C4orf54: variants seen among roughly 807,000 people sequenced by gnomAD.
C4orf54 encodes the protein uncharacterized protein C4orf54.
A neutral mutation model predicts 80.1 loss-of-function variants in C4orf54; 67 were observed. That is an observed-to-expected ratio of 0.84 (90% CI 0.69 to 1.03). The LOEUF (loss-of-function observed/expected upper bound fraction) is 1.03. C4orf54 is among the 50% of genes least tolerant of loss of function. The pLI is 0.00. For synonymous variants in C4orf54, 1,000 were observed against 917.0 expected (o/e 1.09, Z -1.64); for missense variants, 2,434 against 2,253.5 (o/e 1.08, Z -1.62).
chr4:99,643,768 ACACACACACACACACACACACACACC>A (rs1230719747), intron 2 of C4orf54, among the ~76,000 whole-genome samples: 1 of 139,462 alleles, frequency 7.2e-6, no homozygotes, highest in African/African-American at 2.7e-5. Context: ...ACACACACAC[ACACACACACACACACACACACACACC>A]CCCTCCGCGG....
intron 2 of C4orf54, 35 bp from the exon 3 acceptor site, chr4:99,641,231 A>G (rs1458733943): frequency 6.6e-6 from 1 of 152,136 alleles, no homozygotes; most frequent in Admixed American, 6.5e-5. Flanking sequence ...AAACATAGTC[A>G]AGGAAAAGAT....
chr4:99,643,023 C>T (rs959948175), intron 2 of C4orf54, among the ~76,000 whole-genome samples: 4 of 152,278 alleles, frequency 2.6e-5, no homozygotes, highest in South Asian at 2.1e-4. Context: ...GCACTGCCTC[C>T]GGTTTGGGGA....
Position 99,640,837 on chromosome 4 carries a change from G to T in C4orf54, c.*396C>A, listed in dbSNP as rs1726594795. 6.6e-6 allele frequency: 1 copy of T among 152,134 alleles called. No homozygotes were observed. The highest frequency in any genetic ancestry group is 2.4e-5 in the African/African-American group (1 of 41,436). The allele number at this position is 152,134 out of a possible 1,614,324, so 9.4% of individuals were successfully genotyped here. On this transcript the variant is annotated 3_prime_UTR_variant, in exon 3 of 3. Coordinates refer to ENST00000511828, the MANE Select transcript of C4orf54 (RefSeq NM_001354435.2). ...TCATTTACTAGCTTGGTTTACAACA[G>T]AATCAATCCCATTCTGTGGTATGTT...
intron 2 of C4orf54, among the ~76,000 whole-genome samples, chr4:99,643,790 A>ACC (rs1224507696): frequency 1.9e-4 from 18 of 95,484 alleles, no homozygotes; most frequent in East Asian, 7.1e-4. Context: ...ACACACACAC[A>ACC]CACCCCCTCC....
In C4orf54 at chr4:99,649,598, G is replaced by A. The variant is rs1339143774; in HGVS notation, c.5051C>T (p.Pro1684Leu). 6.5e-7 allele frequency: 1 copy of A among 1,536,164 alleles called. No individual in the cohort carries two copies. The highest frequency in any genetic ancestry group is 8.7e-7 in the Non-Finnish European group (1 of 1,146,904). Residue 1684 changes from proline (P) to leucine (L), a missense_variant, in exon 2 of 3, where the codon CCT (proline) becomes CTT (leucine). Transcript: ENST00000511828. Reference protein sequence around the residue: ...PTYMIYPGFLPTVLPTNALQP... With the variant: ...PTYMIYPGFLLTVLPTNALQP... ...CAGAGCATTGGTGGGCAGCACGGTAGGCAGAAACCCAGGGTAAATCATGTA... is the reference window on the plus strand; with the variant it reads ...CAGAGCATTGGTGGGCAGCACGGTAAGCAGAAACCCAGGGTAAATCATGTA...
Position 99,652,833 on chromosome 4 carries a change from A to G in C4orf54, c.1816T>C (p.Ser606Pro). The change falls in exon 2 of 3, where the codon TCC (serine) becomes CCC (proline). Residue 606 changes from serine (S) to proline (P), a missense_variant. Transcript: ENST00000511828. ...CTCACGGCACTGGAGGCTCCGCTGGAGTAGTCCACCAGCTCCTTCGCCCGG... is the reference window on the plus strand; with the variant it reads ...CTCACGGCACTGGAGGCTCCGCTGGGGTAGTCCACCAGCTCCTTCGCCCGG... ...AIRAKELVDY[S>P]SGASSAVSEL... 1 of 1,536,086 alleles carries G rather than the reference A, an allele frequency of 6.5e-7. No homozygotes were observed. Among genetic ancestry groups the G allele is most frequent in the Non-Finnish European group, 8.7e-7 (1 of 1,146,914 alleles).
Position 99,636,832 on chromosome 4 carries a change from C to T in C4orf54, c.*4401G>A, listed in dbSNP as rs1456897823. ...ATCAGACCTCAGGTAGGAACTTTTCCACCAAGATTCCTACGTTGAGAGCAG... is the reference window on the plus strand; with the variant it reads ...ATCAGACCTCAGGTAGGAACTTTTCTACCAAGATTCCTACGTTGAGAGCAG... On this transcript the variant is annotated 3_prime_UTR_variant, in exon 3 of 3. Coordinates refer to ENST00000511828, the MANE Select transcript of C4orf54 (RefSeq NM_001354435.2). 1.3e-5 allele frequency: 2 copies of T among 152,176 alleles called. No individual in the cohort carries two copies. The highest frequency in any genetic ancestry group is 6.6e-5 in the Admixed American group (1 of 15,260). 9.4% of individuals were successfully genotyped at this position (152,176 alleles called of 1,614,324 possible). A position where few individuals can be genotyped will look rare whatever the true frequency, so the allele number is the denominator to read the frequency against.
Position 99,652,168 on chromosome 4 carries a change from G to A in C4orf54, c.2481C>T (p.Phe827=). The change falls in exon 2 of 3, where the codon TTC becomes TTT. Residue 827 remains phenylalanine (F), a synonymous_variant. Coordinates refer to ENST00000511828, the MANE Select transcript of C4orf54 (RefSeq NM_001354435.2). ...ISKKMQREHE[F]KMERGEVMDT... is the part of the protein sequence containing the mutation. The stretch of plus-strand genomic sequence containing the variant: ...CCATGACTTCTCCCCTCTCCATTTT[G>A]AACTCGTGTTCCCGCTGCATCTTCT... 6.5e-7 allele frequency: 1 copy of A among 1,536,050 alleles called. No individual in the cohort carries two copies. Among genetic ancestry groups the A allele is most frequent in the Non-Finnish European group, 8.7e-7 (1 of 1,146,880 alleles).
rs1488493062 is a variant in C4orf54, at chr4:99,652,863, C to G, written c.1786G>C (p.Ala596Pro). Reference protein sequence around the residue: ...VPARLQTRCGAIRAKELVDYS... With the variant: ...VPARLQTRCGPIRAKELVDYS... ...TCCACCAGCTCCTTCGCCCGGATGG[C>G]CCCGCACCTGGTTTGCAGGCGAGCA... The change falls in exon 2 of 3, where the codon GCC becomes CCC. Residue 596 changes from alanine (A) to proline (P), a missense_variant. By Grantham distance (27) the Ala-to-Pro change is conservative (BLOSUM62 -1). Transcript: ENST00000511828. 1 of 1,536,136 alleles carries G rather than the reference C, an allele frequency of 6.5e-7. No individual in the cohort carries two copies. Among genetic ancestry groups the G allele is most frequent in the Non-Finnish European group, 8.7e-7 (1 of 1,146,904 alleles).
At position 99,651,425 on chromosome 4, in the gene C4orf54, A is replaced by G; in HGVS notation, c.3224T>C (p.Leu1075Pro). Residue 1075 changes from leucine to proline, a missense_variant, in exon 2 of 3, where the codon CTC becomes CCC. Leu to Pro is a moderately conservative substitution (Grantham distance 98). Coordinates refer to ENST00000511828, the MANE Select transcript of C4orf54 (RefSeq NM_001354435.2). The stretch of plus-strand genomic sequence containing the variant: ...TTTTTCTAGGTTGTCCCCGCGGAAG[A>G]GTTTCTGCTGTGCCCTGCTGTTGTC... ...IEDNSRAQQKLFRGDNLEKVP... is the reference protein window; with the variant it reads ...IEDNSRAQQKPFRGDNLEKVP... 5 of 1,536,150 alleles carry G rather than the reference A, an allele frequency of 3.3e-6. No individual in the cohort carries two copies. The highest frequency in any genetic ancestry group is 4.4e-6 in the Non-Finnish European group (5 of 1,146,902).
At chr4:99,645,978 C>T (rs1403492898) in intron 2 of C4orf54, among the ~76,000 whole-genome samples, 2 of 151,788 alleles carry the variant, frequency 1.3e-5, no homozygotes, top group Non-Finnish European at 2.9e-5. Flanking sequence ...CTGAGAATAA[C>T]TGGGATATTG....
In C4orf54 at chr4:99,650,564, A is replaced by G. The variant is rs1300986261; in HGVS notation, c.4085T>C (p.Leu1362Pro). 5 of 1,536,020 alleles carry G rather than the reference A, an allele frequency of 3.3e-6. No homozygotes were observed. In the South Asian group the frequency reaches 5.9e-5, roughly 18 times the overall value. Residue 1362 changes from leucine (L) to proline (P), a missense_variant, in exon 2 of 3, where the codon CTG (leucine) becomes CCG (proline). Leu to Pro is a moderately conservative substitution (Grantham distance 98). Coordinates refer to ENST00000511828, the MANE Select transcript of C4orf54 (RefSeq NM_001354435.2). Reference sequence around the variant, plus strand: ...GAGAGATCGGGGTCTTTCCCTGGCCAGGTTCTCAAAGGCCGCTGCCCTGGC... The same window carrying G: ...GAGAGATCGGGGTCTTTCCCTGGCCGGGTTCTCAAAGGCCGCTGCCCTGGC... ...VSARAAAFEN[L>P]ARERPRSLYI...
Position 99,653,662 on chromosome 4 carries a change from C to G in C4orf54, c.987G>C (p.Gly329=). Residue 329 remains glycine, a synonymous_variant, in exon 2 of 3, where the codon GGG becomes GGC. Transcript: ENST00000511828. ...CTCCCCCTCCTCCTTTTCCTCCTCC[C>G]CCTCCTCCTGATATTTTCTCTCCTT... ...GGEGEKISGG[G]GGGKGGGGGG... 2 of 1,525,082 alleles carry G rather than the reference C, an allele frequency of 1.3e-6. No homozygotes were observed. Among genetic ancestry groups the G allele is most frequent in the South Asian group, 1.2e-5 (1 of 81,668 alleles). 94.5% of individuals were successfully genotyped at this position (1,525,082 alleles called of 1,614,324 possible). A position where few individuals can be genotyped will look rare whatever the true frequency, so the allele number is the denominator to read the frequency against.
In C4orf54 at chr4:99,657,713, G is replaced by A. The variant is rs549883599; in HGVS notation, c.-250C>T. Among the ~76,000 whole-genome samples, 1 of 152,136 alleles carries A rather than the reference G, an allele frequency of 6.6e-6. No individual in the cohort carries two copies. The highest frequency in any genetic ancestry group is 6.5e-5 in the Admixed American group (1 of 15,278). ...ACTGATAAATAGAAAAACGATAAAG[G>A]CTAAAGTAAAACAATTAAGAACCCC... is the stretch of plus-strand genomic sequence containing the variant. On this transcript the variant is annotated 5_prime_UTR_variant, in exon 1 of 3. Coordinates refer to ENST00000511828, the MANE Select transcript of C4orf54 (RefSeq NM_001354435.2).
Position 99,654,340 on chromosome 4 carries a change from G to A in C4orf54, c.309C>T (p.Val103=). The A allele has an allele frequency of 7.3e-7, 1 of 1,363,100 alleles. No homozygotes were observed. The allele number at this position is 1,363,100 out of a possible 1,614,324, so 84.4% of individuals were successfully genotyped here. A position where few individuals can be genotyped will look rare whatever the true frequency, so the allele number is the denominator to read the frequency against. ...CCCGAAGCAGGGTCCCACGTATCTG[G>A]ACTGGCCCCAAGGCTGTAGGCACTG... ...VAAVPTALGP[V]QIRGTLLRAT... is the part of the protein sequence containing the mutation. The change falls in exon 2 of 3, where the codon GTC becomes GTT. Residue 103 remains valine, a synonymous_variant. Coordinates refer to ENST00000511828, the MANE Select transcript of C4orf54 (RefSeq NM_001354435.2).
Position 99,653,379 on chromosome 4 carries a change from C to T in C4orf54, c.1270G>A (p.Glu424Lys), listed in dbSNP as rs750327796. The change falls in exon 2 of 3, where the codon GAA becomes AAA. Residue 424 changes from glutamate (E) to lysine (K), a missense_variant. By Grantham distance (56) the Glu-to-Lys change is moderately conservative (BLOSUM62 1). Coordinates refer to ENST00000511828, the MANE Select transcript of C4orf54 (RefSeq NM_001354435.2). ...ETPGDITSLT[E>K]EDDDNSCYLS... ...TAGCAGCTGTTGTCGTCGTCCTCTT[C>T]GGTCAGACTGGTGATGTCCCCTGGG... The T allele has an allele frequency of 3.9e-6, 6 of 1,536,264 alleles. 1 individual carries two copies. The South Asian group carries it at 7.1e-5, about 18-fold the overall frequency.
chr4:99,653,046 T>C lies in C4orf54; in HGVS notation c.1603A>G (p.Asn535Asp). ...PASRAINEPS[N>D]VRAKQNIIYA... is the part of the protein sequence containing the mutation. Reference sequence around the variant, plus strand: ...ATAATGTTTTGCTTTGCACGCACGTTGCTAGGCTCATTTATAGCCCGGGAA... The same window carrying C: ...ATAATGTTTTGCTTTGCACGCACGTCGCTAGGCTCATTTATAGCCCGGGAA... Residue 535 changes from asparagine (N) to aspartate (D), a missense_variant, in exon 2 of 3, where the codon AAC becomes GAC. By Grantham distance (23) the Asn-to-Asp change is conservative. Coordinates refer to ENST00000511828, the MANE Select transcript of C4orf54 (RefSeq NM_001354435.2). 6.5e-7 allele frequency: 1 copy of C among 1,536,208 alleles called. No homozygotes were observed.
In C4orf54 at chr4:99,651,429, T is replaced by C; in HGVS notation, c.3220A>G (p.Lys1074Glu). ...TCTAGGTTGTCCCCGCGGAAGAGTT[T>C]CTGCTGTGCCCTGCTGTTGTCCTCG... is the stretch of plus-strand genomic sequence containing the variant. ...TIEDNSRAQQKLFRGDNLEKV... is the reference protein window; with the variant it reads ...TIEDNSRAQQELFRGDNLEKV... Residue 1074 changes from lysine to glutamate, a missense_variant, in exon 2 of 3, where the codon AAA (lysine) becomes GAA (glutamate). Transcript: ENST00000511828. The C allele has an allele frequency of 6.5e-7, 1 of 1,536,282 alleles. No homozygotes were observed. Among genetic ancestry groups the C allele is most frequent in the Non-Finnish European group, 8.7e-7 (1 of 1,146,924 alleles).
Position 99,646,262 on chromosome 4 carries a change from A to G in C4orf54, c.*36+2969T>C, listed in dbSNP as rs1726699296. 1.3e-5 allele frequency among the ~76,000 whole-genome samples: 2 copies of G among 152,180 alleles called. 1 individual carries two copies. The highest frequency in any genetic ancestry group is 4.1e-4 in the South Asian group (2 of 4,828). ...GTGTACAAGTCTACACTCCTGCTGG[A>G]GTGTAGGCCCCTAATTTGTGTTATC... On this transcript the variant is annotated intron_variant, in intron 2 of 2. Coordinates refer to ENST00000511828, the MANE Select transcript of C4orf54 (RefSeq NM_001354435.2).
Sources: gnomAD v4.1 joint callset for allele counts (sites outside exome capture counted in the v4.1 genomes callset) on GRCh38, gnomAD v4.1.1 for gene constraint, MANE v1.5 for transcripts, NCBI Gene and HGNC (gene_info 2026-07-23, HGNC 2026-07-21) for gene names.